The following CNOT2 variants were observed in gnomAD, a reference collection of about 807,000 sequenced individuals.
The protein encoded by CNOT2 is CCR4-NOT transcription complex subunit 2.
Under a neutral mutation model 72.1 loss-of-function variants are expected in CNOT2, and 7 were observed. That is an observed-to-expected ratio of 0.10 (90% CI 0.06 to 0.18). The LOEUF is 0.18. CNOT2 is among the 10% of genes least tolerant of loss of function. CNOT2 has a pLI of 1.00. For missense variants in CNOT2, 345 were observed against 660.3 expected (o/e 0.52, Z 5.23); for synonymous variants, 196 against 225.6 (o/e 0.87, Z 1.17).
At chr12:70,289,069 T>A (rs1332022151) in intron 2 of CNOT2, among the ~76,000 whole-genome samples, 1 of 151,996 alleles carries the variant, frequency 6.6e-6, no homozygotes, top group Non-Finnish European at 1.5e-5. Flanking sequence ...TTCTCTTCCT[T>A]TTTTCTTTCT....
chr12:70,322,031 C>T (rs1878381502), intron 4 of CNOT2: 1 of 151,760 alleles, frequency 6.6e-6, no homozygotes, highest in Non-Finnish European at 1.5e-5. Context: ...AACCAATGAA[C>T]ATACTCTTGT....
chr12:70,283,528 T>A (rs1870270434), intron 2 of CNOT2, among the ~76,000 whole-genome samples: 1 of 151,300 alleles, frequency 6.6e-6, no homozygotes, highest in African/African-American at 2.4e-5. Flanking sequence ...AAATTAATAC[T>A]TAACAATTGA....
chr12:70,278,343 A>C (rs1431570895), intron 2 of CNOT2, 69 bp downstream of exon 2: 3 of 1,203,246 alleles, frequency 2.5e-6, no homozygotes, highest in Non-Finnish European at 2.4e-6. Flanking sequence ...CAAATGTGTT[A>C]TATGTAATTG....
At chr12:70,253,569 T>A (rs1370395289) in intron 1 of CNOT2, among the ~76,000 whole-genome samples, 1 of 152,208 alleles carries the variant, frequency 6.6e-6, no homozygotes, top group Non-Finnish European at 1.5e-5. Context: ...ATTCAGATGA[T>A]GGGTTCCAGT....
intron 8 of CNOT2, 102 bp downstream of exon 8, chr12:70,335,665 T>A: frequency 1.3e-6 from 1 of 792,904 alleles, no homozygotes; most frequent in Non-Finnish European, 2.0e-6. Flanking sequence ...TGTGTACACA[T>A]GTATGTTTGC....
chr12:70,319,743 T>C (rs7306962), intron 4 of CNOT2, among the ~76,000 whole-genome samples: 106,462 of 151,428 alleles, frequency 0.7, 37,742 homozygotes, highest in East Asian at 0.93. Context: ...TGTGTGTATG[T>C]GCACGCCTGT....
intron 15 of CNOT2, among the ~76,000 whole-genome samples, chr12:70,351,836 G>T (rs1056510798): frequency 6.6e-6 from 1 of 152,160 alleles, no homozygotes; most frequent in African/African-American, 2.4e-5. Context: ...CCTAGCTAGG[G>T]CTGGGAGAGG....
At chr12:70,317,842 T>C (rs1440277703) in intron 3 of CNOT2, among the ~76,000 whole-genome samples, 1 of 151,654 alleles carries the variant, frequency 6.6e-6, no homozygotes, top group Non-Finnish European at 1.5e-5. Context: ...ACCCTTTAAA[T>C]GTTTTACCTC....
At chr12:70,255,324 T>C (rs1354874450) in intron 1 of CNOT2, among the ~76,000 whole-genome samples, 3 of 152,192 alleles carry the variant, frequency 2.0e-5, no homozygotes, top group Admixed American at 2.0e-4. Context: ...TTGAAATTCA[T>C]TTTTAATTTA....
intron 2 of CNOT2, among the ~76,000 whole-genome samples, chr12:70,301,528 T>A (rs539002878): frequency 3.0e-4 from 45 of 152,338 alleles, no homozygotes; most frequent in African/African-American, 1.0e-3. Flanking sequence ...CTACGTTTAT[T>A]GATTTTCTTA....
At chr12:70,330,234 T>C in intron 5 of CNOT2, 53 bp from the exon 6 acceptor site, 1 of 827,464 alleles carries the variant, frequency 1.2e-6, no homozygotes, top group South Asian at 2.1e-5. Context: ...TTAAAGAGAA[T>C]TTTAATGAGT....
intron 4 of CNOT2, among the ~76,000 whole-genome samples, chr12:70,328,593 T>TA (rs1171250738): frequency 6.6e-6 from 1 of 151,852 alleles, no homozygotes; most frequent in East Asian, 1.9e-4. Context: ...CCTGGATTAT[T>TA]AAAAAATTTA....
At chr12:70,269,528 AACTC>A (rs1257587885) in intron 1 of CNOT2, among the ~76,000 whole-genome samples, 1 of 152,198 alleles carries the variant, frequency 6.6e-6, no homozygotes, top group African/African-American at 2.4e-5. Flanking sequence ...TGACTAAACA[AACTC>A]AGTAACATGC....
intron 2 of CNOT2, among the ~76,000 whole-genome samples, chr12:70,283,647 T>TA (rs34501610): frequency 0.29 from 35,154 of 122,428 alleles, 4,889 homozygotes; most frequent in Middle Eastern, 0.48. Context: ...AGAATGAGTT[T>TA]AAAAAAAAAA....
At chr12:70,287,133 T>C (rs1871039408) in intron 2 of CNOT2, among the ~76,000 whole-genome samples, 1 of 151,740 alleles carries the variant, frequency 6.6e-6, no homozygotes, top group Non-Finnish European at 1.5e-5. Flanking sequence ...TTGTCATCAT[T>C]AAATAATATT....
chr12:70,318,452 TG>T (rs2135981771), intron 3 of CNOT2, among the ~76,000 whole-genome samples: 1 of 152,038 alleles, frequency 6.6e-6, no homozygotes, highest in Admixed American at 6.6e-5. Context: ...TCAATAGTTT[TG>T]GGGGTACAGG....
chr12:70,246,319 G>A (rs890167045), intron 1 of CNOT2, among the ~76,000 whole-genome samples: 6 of 152,050 alleles, frequency 3.9e-5, no homozygotes, highest in African/African-American at 1.4e-4. Flanking sequence ...GGCATTTGAG[G>A]ACAGGTTATT....
chr12:70,301,583 T>C (rs1408531679), intron 2 of CNOT2: 3 of 152,102 alleles, frequency 2.0e-5, no homozygotes, highest in Admixed American at 2.0e-4. Context: ...CACTTGATCA[T>C]GGTGGATAAG....
At chr12:70,330,702 A>T in intron 6 of CNOT2, 2 of 411,376 alleles carry the variant, frequency 4.9e-6, no homozygotes, top group Non-Finnish European at 8.6e-6. Flanking sequence ...TTAGAAAAGG[A>T]TTGTTCTTGG....
Sources: gnomAD v4.1 joint callset for allele counts (sites outside exome capture counted in the v4.1 genomes callset) on GRCh38, gnomAD v4.1.1 for gene constraint, MANE v1.5 for transcripts, NCBI Gene and HGNC (gene_info 2026-07-23, HGNC 2026-07-21) for gene names.